The following NHLRC3 variants were observed in gnomAD, a reference collection of about 807,000 sequenced individuals.
NHLRC3 encodes NHL repeat containing 3, also known as NHL repeat-containing protein 3.
In NHLRC3, 23 loss-of-function variants were observed where a neutral mutation model predicts 32.0. The observed-to-expected ratio is 0.72, with a 90% CI of 0.52 to 1.02. The LOEUF is 1.02. NHLRC3 is among the 50% of genes least tolerant of loss of function. The probability of loss-of-function intolerance (pLI) is 0.00; values close to 1 mark genes in which losing one functional copy is unlikely to be tolerated. For synonymous variants in NHLRC3, 159 were observed against 147.9 expected (o/e 1.08, Z -0.55); for missense variants, 407 against 406.8 (o/e 1.00, Z -0.01).
At chr13:39,038,916 T>G (rs1871326633) in intron 1 of NHLRC3, 193 bp downstream of exon 1, 2 of 644,290 alleles carry the variant, frequency 3.1e-6, no homozygotes, top group African/African-American at 3.7e-5. Context: ...ATTTTCCTCT[T>G]TCCCAACTCT....
chr13:39,042,334 A>C, intron 4 of NHLRC3, 29 bp downstream of exon 4: 1 of 1,268,278 alleles, frequency 7.9e-7, no homozygotes, highest in Non-Finnish European at 1.1e-6. Flanking sequence ...GTATTATAAA[A>C]ATATTATAAA....
chr13:39,043,575 A>G (rs1173489594), intron 4 of NHLRC3, among the ~76,000 whole-genome samples: 3 of 152,100 alleles, frequency 2.0e-5, no homozygotes, highest in African/African-American at 7.2e-5. Context: ...ATCCAGGATG[A>G]TCTCATGAGA....
At chr13:39,046,937 C>T (rs1467050036) in intron 5 of NHLRC3, 103 bp from the exon 6 acceptor site, 2 of 802,116 alleles carry the variant, frequency 2.5e-6, no homozygotes, top group African/African-American at 3.5e-5. Context: ...TTGGAATCCT[C>T]TTAAGTGAGA....
intron 4 of NHLRC3, among the ~76,000 whole-genome samples, chr13:39,042,517 T>G (rs1054836327): frequency 9.2e-5 from 14 of 152,254 alleles, no homozygotes; most frequent in Admixed American, 8.5e-4. Context: ...GGCCAGGAGA[T>G]TCCTCCAAAA....
chr13:39,049,062 T>TC lies in NHLRC3; in HGVS notation c.*1138dup, dbSNP rs370624700. The TC allele has an allele frequency of 1.3e-5, 2 of 152,254 alleles. No homozygotes were observed. Among genetic ancestry groups the TC allele is most frequent in the East Asian group, 1.9e-4 (1 of 5,176 alleles). 9.4% of individuals were successfully genotyped at this position (152,254 alleles called of 1,614,324 possible). On this transcript the variant is annotated 3_prime_UTR_variant, in exon 7 of 7. Transcript: ENST00000379600. Reference sequence around the variant, plus strand: ...CAATTAAGACCTTTTTTTTTTTTTTTCCAGTTTGTTTTAGCTTATTATAGG... The same window carrying TC: ...CAATTAAGACCTTTTTTTTTTTTTTTCCCAGTTTGTTTTAGCTTATTATAGG...
rs1871807581 is a variant in NHLRC3 at position 39,049,091 on chromosome 13, TG to T, written c.*1167del. 6.6e-6 allele frequency: 1 copy of T among 152,486 alleles called. No homozygotes were observed. Among genetic ancestry groups the T allele is most frequent in the Non-Finnish European group, 1.5e-5 (1 of 68,026 alleles). The allele number at this position is 152,486 out of a possible 1,614,324, so 9.4% of individuals were successfully genotyped here. ...GTTTGTTTTAGCTTATTATAGGTTT[TG>T]GAGGAACTTTGCCATTTTGTAATCT... On this transcript the variant is annotated 3_prime_UTR_variant, in exon 7 of 7. Coordinates refer to ENST00000379600, the MANE Select transcript of NHLRC3 (RefSeq NM_001012754.4).
rs1173877169 is a variant in NHLRC3 at position 39,048,062 on chromosome 13, A to G, written c.*136A>G. 4 of 728,790 alleles carry G rather than the reference A, an allele frequency of 5.5e-6. No individual in the cohort carries two copies. In the East Asian group the frequency reaches 1.1e-4, roughly 20 times the overall value. The allele number at this position is 728,790 out of a possible 1,614,324, so 45.1% of individuals were successfully genotyped here. ...TATCAGAAAGATTTGTTTTTGTATC[A>G]TTAAGAATCTTATATTTTGTTGCCC... On this transcript the variant is annotated 3_prime_UTR_variant, in exon 7 of 7. Transcript: ENST00000379600.
At chr13:39,038,335 A>C (rs887311146), upstream of NHLRC3, 6 of 416,244 alleles carry the variant, frequency 1.4e-5, no homozygotes, top group African/African-American at 1.0e-4. Flanking sequence ...ACTGAAAGTC[A>C]GCGGCGCGGA....
Position 39,048,000 on chromosome 13 carries a change from A to G in NHLRC3, c.*74A>G. 8.2e-7 allele frequency: 1 copy of G among 1,218,900 alleles called. No homozygotes were observed. The highest frequency in any genetic ancestry group is 1.2e-6 in the Non-Finnish European group (1 of 866,766). 75.5% of individuals were successfully genotyped at this position (1,218,900 alleles called of 1,614,324 possible). On this transcript the variant is annotated 3_prime_UTR_variant, in exon 7 of 7. Coordinates refer to ENST00000379600, the MANE Select transcript of NHLRC3 (RefSeq NM_001012754.4). ...ACTAAGTGCTTAAAAATGATGTTCAAGCACAAGAATTTATTTTTCTAGTAT... is the reference window on the plus strand; with the variant it reads ...ACTAAGTGCTTAAAAATGATGTTCAGGCACAAGAATTTATTTTTCTAGTAT...
At chr13:39,043,290 A>G (rs887468599) in intron 4 of NHLRC3, among the ~76,000 whole-genome samples, 3 of 152,258 alleles carry the variant, frequency 2.0e-5, no homozygotes, top group African/African-American at 7.2e-5. Flanking sequence ...TGTGGTTGCC[A>G]TAACAAATTG....
chr13:39,044,505 C>T lies in NHLRC3; in HGVS notation c.678+324C>T. ...AATAATGGATCTGAACATAAAGTTA[C>T]CTGAAAGAAAAAGTTGCCCTCTTAC... On this transcript the variant is annotated intron_variant, in intron 5 of 6. Transcript: ENST00000379600. 4 of 246,214 alleles carry T rather than the reference C, an allele frequency of 1.6e-5. 1 individual carries two copies. In the Admixed American group the frequency reaches 2.2e-4, roughly 14 times the overall value. 15.3% of individuals were successfully genotyped at this position (246,214 alleles called of 1,614,324 possible). A position where few individuals can be genotyped will look rare whatever the true frequency, so the allele number is the denominator to read the frequency against.
rs1450477733 is a variant in NHLRC3, at chr13:39,049,705, C to G, written c.*1779C>G. On this transcript the variant is annotated 3_prime_UTR_variant, in exon 7 of 7. Transcript: ENST00000379600. ...TTCAGGGTTTGTTTTTAAGCCAGGACAAGAAGTGCAAATGCCTCTTTGAAG... is the reference window on the plus strand; with the variant it reads ...TTCAGGGTTTGTTTTTAAGCCAGGAGAAGAAGTGCAAATGCCTCTTTGAAG... 1 of 152,146 alleles carries G rather than the reference C, an allele frequency of 6.6e-6. No homozygotes were observed. The highest frequency in any genetic ancestry group is 1.5e-5 in the Non-Finnish European group (1 of 68,030). 9.4% of individuals were successfully genotyped at this position (152,146 alleles called of 1,614,324 possible). A position where few individuals can be genotyped will look rare whatever the true frequency, so the allele number is the denominator to read the frequency against.
At chr13:39,040,492 T>A (rs1319971120) in intron 3 of NHLRC3, 1 of 152,224 alleles carries the variant, frequency 6.6e-6, no homozygotes, top group African/African-American at 2.4e-5. Flanking sequence ...GAAGCATGTC[T>A]GAAATCTTCC....
In NHLRC3 at chr13:39,047,827, C is replaced by A; in HGVS notation, c.945C>A (p.Val315=). 1 of 1,613,926 alleles carries A rather than the reference C, an allele frequency of 6.2e-7. No individual in the cohort carries two copies. Among genetic ancestry groups the A allele is most frequent in the African/African-American group, 1.3e-5 (1 of 74,958 alleles). Reference sequence around the variant, plus strand: ...AAGTTTTGCCACATCTCCTAGAAGTCGACAGAAAGACTGGAGCAGTCTATG... The same window carrying A: ...AAGTTTTGCCACATCTCCTAGAAGTAGACAGAAAGACTGGAGCAGTCTATG... ...ADQVLPHLLE[V]DRKTGAVYVA... is the part of the protein sequence containing the mutation. Residue 315 remains valine (V), a synonymous_variant, in exon 7 of 7, where the codon GTC becomes GTA. Coordinates refer to ENST00000379600, the MANE Select transcript of NHLRC3 (RefSeq NM_001012754.4).
At position 39,047,971 on chromosome 13, in the gene NHLRC3, A is replaced by G. The variant is rs779701256; in HGVS notation, c.*45A>G. 7 of 1,487,050 alleles carry G rather than the reference A, an allele frequency of 4.7e-6. No homozygotes were observed. The South Asian group carries it at 4.9e-5, about 10-fold the overall frequency. The allele number at this position is 1,487,050 out of a possible 1,614,324, so 92.1% of individuals were successfully genotyped here. A position where few individuals can be genotyped will look rare whatever the true frequency, so the allele number is the denominator to read the frequency against. On this transcript the variant is annotated 3_prime_UTR_variant, in exon 7 of 7. Coordinates refer to ENST00000379600, the MANE Select transcript of NHLRC3 (RefSeq NM_001012754.4). ...TTTCAAGTGGCAGTTCAGATTCTCA[A>G]TTCACTAAGTGCTTAAAAATGATGT... is the stretch of plus-strand genomic sequence containing the variant.
At chr13:39,041,314 TAGTA>T (rs1417911724) in intron 3 of NHLRC3, 1 of 152,162 alleles carries the variant, frequency 6.6e-6, no homozygotes, top group Non-Finnish European at 1.5e-5. Flanking sequence ...AAAAGTGTAA[TAGTA>T]AATAAATTAT....
intron 4 of NHLRC3, among the ~76,000 whole-genome samples, chr13:39,042,573 G>A (rs1471827013): frequency 6.6e-6 from 1 of 152,180 alleles, no homozygotes; most frequent in Non-Finnish European, 1.5e-5. Context: ...CAGGAGATAA[G>A]TGTGTATCCT....
chr13:39,049,256 G>C lies in NHLRC3; in HGVS notation c.*1330G>C, dbSNP rs1040035639. The C allele has an allele frequency of 6.6e-6, 1 of 152,602 alleles. No individual in the cohort carries two copies. Among genetic ancestry groups the C allele is most frequent in the Admixed American group, 6.5e-5 (1 of 15,274 alleles). 9.5% of individuals were successfully genotyped at this position (152,602 alleles called of 1,614,324 possible). On this transcript the variant is annotated 3_prime_UTR_variant, in exon 7 of 7. Coordinates refer to ENST00000379600, the MANE Select transcript of NHLRC3 (RefSeq NM_001012754.4). The stretch of plus-strand genomic sequence containing the variant: ...GGCTGGAGTATTTTCCAGACCTGAA[G>C]GGACTCACACTTGTTTTGATACTTG...
rs975565589 is a variant in NHLRC3, at chr13:39,038,795, G to A, written c.84+72G>A. 7.1e-6 allele frequency: 9 copies of A among 1,273,608 alleles called. No homozygotes were observed. The African/African-American group carries it at 1.0e-4, about 15-fold the overall frequency. 78.9% of individuals were successfully genotyped at this position (1,273,608 alleles called of 1,614,324 possible). A position where few individuals can be genotyped will look rare whatever the true frequency, so the allele number is the denominator to read the frequency against. ...TGTTGGGAGGCGTCGCCACGGTCGT[G>A]GCATGGAGGTGGCAGGCCCTGGTTC... is the stretch of plus-strand genomic sequence containing the variant. On this transcript the variant is annotated intron_variant, in intron 1 of 6. Transcript: ENST00000379600.
Sources: allele counts gnomAD v4.1 joint callset (sites outside exome capture counted in the v4.1 genomes callset), GRCh38; gene constraint gnomAD v4.1.1; transcripts MANE v1.5; gene names NCBI Gene and HGNC (gene_info 2026-07-23, HGNC 2026-07-21).